The following CD300LG variants were observed in gnomAD, a reference collection of about 807,000 sequenced individuals.
The protein encoded by CD300LG is CD300 molecule like family member g.
Under a neutral mutation model 31.5 loss-of-function variants are expected in CD300LG, and 29 were observed. That is an observed-to-expected ratio of 0.92 (90% CI 0.68 to 1.25). The LOEUF is 1.25. CD300LG is among the 50% of genes most tolerant of loss of function. The pLI, the probability that CD300LG is intolerant of heterozygous loss-of-function variation, is 0.00. For missense variants in CD300LG, 396 were observed against 417.6 expected (o/e 0.95, Z 0.45); for synonymous variants, 175 against 177.2 (o/e 0.99, Z 0.10).
chr17:43,852,739 T>G (rs4792921), intron 2 of CD300LG, among the ~76,000 whole-genome samples, 173 bp from the exon 3 acceptor site: 40,110 of 151,952 alleles, frequency 0.26, 7,436 homozygotes, highest in African/African-American at 0.53. Context: ...GCTGCAGGAG[T>G]AGAAGACCAG....
intron 1 of CD300LG, among the ~76,000 whole-genome samples, 155 bp downstream of exon 1, chr17:43,847,414 G>A (rs557315927): frequency 6.6e-6 from 1 of 152,174 alleles, no homozygotes; most frequent in Non-Finnish European, 1.5e-5. Flanking sequence ...GGGAGGTGGG[G>A]GTGGCGCCGG....
intron 5 of CD300LG, 22 bp downstream of exon 5, chr17:43,855,341 G>C: frequency 6.9e-7 from 1 of 1,457,296 alleles, no homozygotes; most frequent in South Asian, 1.3e-5. Flanking sequence ...TGGGCGGCAG[G>C]AAGGCGGGAG....
chr17:43,862,905 G>A lies in CD300LG; in HGVS notation c.*994G>A, dbSNP rs2046676513. ...AAAGTAGAAAACCAGAGTGCACGTA[G>A]GTGTCTAACACAGAGGAGAGTAGGA... is the stretch of plus-strand genomic sequence containing the variant. On this transcript the variant is annotated 3_prime_UTR_variant, in exon 7 of 7. Transcript: ENST00000317310. 1 of 152,214 alleles carries A rather than the reference G, an allele frequency of 6.6e-6. No homozygotes were observed. The highest frequency in any genetic ancestry group is 1.5e-5 in the Non-Finnish European group (1 of 68,090). 9.4% of individuals were successfully genotyped at this position (152,214 alleles called of 1,614,324 possible).
intron 2 of CD300LG, chr17:43,849,182 G>T (rs1339146622): frequency 1.7e-5 from 9 of 540,856 alleles, no homozygotes; most frequent in Non-Finnish European, 2.6e-5. Flanking sequence ...CAGGTGTGCT[G>T]GAGGGAGATT....
intron 2 of CD300LG, chr17:43,849,663 A>G (rs553700379): frequency 6.6e-6 from 1 of 152,168 alleles, no homozygotes; most frequent in East Asian, 1.9e-4. Flanking sequence ...CATTTCACGG[A>G]TGAGGGACTG....
At chr17:43,856,094 AC>A (rs1341608451) in intron 5 of CD300LG, among the ~76,000 whole-genome samples, 1 of 152,220 alleles carries the variant, frequency 6.6e-6, no homozygotes, top group African/African-American at 2.4e-5. Context: ...GGCATGAGCC[AC>A]TACGCCCAAT....
intron 6 of CD300LG, chr17:43,858,780 G>A: frequency 1.1e-6 from 1 of 889,222 alleles, no homozygotes; most frequent in Non-Finnish European, 1.3e-6. Context: ...AGAGGGAGGG[G>A]GATGCATTAC....
At position 43,863,489 on chromosome 17, in the gene CD300LG, G is replaced by T. The variant is rs940719449; in HGVS notation, c.*1578G>T. 12 of 152,124 alleles carry T rather than the reference G, an allele frequency of 7.9e-5. No homozygotes were observed. Among genetic ancestry groups the T allele is most frequent in the Non-Finnish European group, 1.5e-4 (10 of 68,014 alleles). The allele number at this position is 152,124 out of a possible 1,614,324, so 9.4% of individuals were successfully genotyped here. On this transcript the variant is annotated 3_prime_UTR_variant, in exon 7 of 7. Coordinates refer to ENST00000317310, the MANE Select transcript of CD300LG (RefSeq NM_145273.4). ...TCTTTTCTTCTTCACATAATTTGCCGGTGTTCTTTTTACAGAGCAATTATC... is the reference window on the plus strand; with the variant it reads ...TCTTTTCTTCTTCACATAATTTGCCTGTGTTCTTTTTACAGAGCAATTATC...
chr17:43,853,793 T>C lies in CD300LG; in HGVS notation c.482-14T>C, dbSNP rs1490427899. ...GTCAGGAAGGATGCTGAGGCATTGCTTTTGGACTTGTAGCTTCTCCTGGGC... is the reference window on the plus strand; with the variant it reads ...GTCAGGAAGGATGCTGAGGCATTGCCTTTGGACTTGTAGCTTCTCCTGGGC... On this transcript the variant is annotated splice_polypyrimidine_tract_variant and intron_variant, in intron 3 of 6. Coordinates refer to ENST00000317310, the MANE Select transcript of CD300LG (RefSeq NM_145273.4). The C allele has an allele frequency of 4.4e-6, 7 of 1,607,260 alleles. No homozygotes were observed. Among genetic ancestry groups the C allele is most frequent in the Non-Finnish European group, 6.0e-6 (7 of 1,174,998 alleles).
Position 43,862,076 on chromosome 17 carries a change from A to G in CD300LG, c.*165A>G, listed in dbSNP as rs1474311189. 3 of 515,660 alleles carry G rather than the reference A, an allele frequency of 5.8e-6. No homozygotes were observed. The highest frequency in any genetic ancestry group is 6.8e-6 in the Non-Finnish European group (2 of 295,040). 31.9% of individuals were successfully genotyped at this position (515,660 alleles called of 1,614,324 possible). ...CCTCTTGCATGTTCCAGCCTGACCT[A>G]GAAGCGTTTGTCAGCCCTGGAGCCC... On this transcript the variant is annotated 3_prime_UTR_variant, in exon 7 of 7. Transcript: ENST00000317310.
chr17:43,859,784 T>C (rs1341828886), intron 6 of CD300LG, among the ~76,000 whole-genome samples: 1 of 152,220 alleles, frequency 6.6e-6, no homozygotes. Flanking sequence ...CCCCTCCCAG[T>C]GCCCTCATCC....
At chr17:43,853,726 C>T (rs1457078040) in intron 3 of CD300LG, 81 bp from the exon 4 acceptor site, 1 of 1,166,572 alleles carries the variant, frequency 8.6e-7, no homozygotes, top group South Asian at 1.4e-5. Context: ...GGCTAGGGTT[C>T]AGGGGTCCAG....
chr17:43,855,234 G>A lies in CD300LG; in HGVS notation c.747G>A (p.Leu249=). The A allele has an allele frequency of 1.2e-6, 2 of 1,609,772 alleles. No individual in the cohort carries two copies. The highest frequency in any genetic ancestry group is 1.7e-6 in the Non-Finnish European group (2 of 1,178,580). ...TGTCCATCCCGATGGTCCGCATACTGGCCCCAGTCCTGGTGCTGCTGAGCC... is the reference window on the plus strand; with the variant it reads ...TGTCCATCCCGATGGTCCGCATACTAGCCCCAGTCCTGGTGCTGCTGAGCC... ...PRVSIPMVRI[L]APVLVLLSLL... is the part of the protein sequence containing the mutation. The change falls in exon 5 of 7, where the codon CTG becomes CTA. Residue 249 remains leucine (L), a synonymous_variant. Coordinates refer to ENST00000317310, the MANE Select transcript of CD300LG (RefSeq NM_145273.4).
At chr17:43,847,389 C>A in intron 1 of CD300LG, 130 bp downstream of exon 1, 1 of 286,442 alleles carries the variant, frequency 3.5e-6, no homozygotes, top group South Asian at 3.0e-5. Context: ...GGGAGCGGGG[C>A]GGGCTGGGGG....
chr17:43,852,421 C>T (rs538354550), intron 2 of CD300LG, among the ~76,000 whole-genome samples: 6 of 152,226 alleles, frequency 3.9e-5, no homozygotes, highest in African/African-American at 1.4e-4. Context: ...ACCGTGTTGG[C>T]CAGGCTGGTC....
chr17:43,861,227 TAC>T (rs1307728275), intron 6 of CD300LG: 3 of 985,232 alleles, frequency 3.0e-6, no homozygotes, highest in Non-Finnish European at 3.6e-6. Context: ...TCCCAGCCTC[TAC>T]ACAGAGATCC....
At chr17:43,860,569 CA>C (rs2046631840) in intron 6 of CD300LG, among the ~76,000 whole-genome samples, 1 of 152,214 alleles carries the variant, frequency 6.6e-6, no homozygotes, top group African/African-American at 2.4e-5. Flanking sequence ...TGGGAGCAGC[CA>C]GGCCCGGGTC....
chr17:43,854,217 T>C (rs187295891), intron 4 of CD300LG, among the ~76,000 whole-genome samples, 173 bp downstream of exon 4: 1 of 152,344 alleles, frequency 6.6e-6, no homozygotes, highest in East Asian at 1.9e-4. Flanking sequence ...GGACAGCTTG[T>C]ACTATAGGAG....
At chr17:43,861,448 G>C (rs1430966875) in intron 6 of CD300LG, among the ~76,000 whole-genome samples, 1 of 152,176 alleles carries the variant, frequency 6.6e-6, no homozygotes, top group East Asian at 1.9e-4. Context: ...CAGAGCTTTT[G>C]ACCTCACATC....
Sources: gnomAD v4.1 joint callset for allele counts (sites outside exome capture counted in the v4.1 genomes callset) on GRCh38, gnomAD v4.1.1 for gene constraint, MANE v1.5 for transcripts, NCBI Gene and HGNC (gene_info 2026-07-23, HGNC 2026-07-21) for gene names.